The following TACC1 variants were observed in gnomAD, a reference collection of about 807,000 sequenced individuals.
TACC1 encodes the protein transforming acidic coiled-coil-containing protein 1.
TACC1 carries 48 observed loss-of-function variants against 84.4 expected under a neutral mutation model. That is an observed-to-expected ratio of 0.57 (90% CI 0.45 to 0.72). The LOEUF (loss-of-function observed/expected upper bound fraction) is 0.72. TACC1 is among the 30% of genes least tolerant of loss of function. TACC1 has a pLI of 0.00. For synonymous variants in TACC1, 372 were observed against 376.3 expected, an observed-to-expected ratio of 0.99 and a Z score of 0.13; for missense variants, 920 against 973.0, an observed-to-expected ratio of 0.95 and a Z score of 0.72.
intron 1 of TACC1, among the ~76,000 whole-genome samples, chr8:38,735,296 T>A (rs1343603621): frequency 6.6e-6 from 1 of 152,190 alleles, no homozygotes; most frequent in Non-Finnish European, 1.5e-5. Flanking sequence ...CTTCTATTTC[T>A]TGAAACCAAA....
chr8:38,781,691 T>C (rs1816028986), intron 3 of TACC1, among the ~76,000 whole-genome samples: 1 of 152,170 alleles, frequency 6.6e-6, no homozygotes. Context: ...AGGAATATTA[T>C]TCTACTTAAA....
At chr8:38,808,238 A>G (rs1281687018) in intron 2 of TACC1, among the ~76,000 whole-genome samples, 1 of 152,230 alleles carries the variant, frequency 6.6e-6, no homozygotes, top group Non-Finnish European at 1.5e-5. Context: ...ATGGAAAGGC[A>G]CATGAAGGTA....
Position 38,819,515 on chromosome 8 carries a change from A to G in TACC1, c.278-7A>G, listed in dbSNP as rs1007013292. 3 of 1,594,230 alleles carry G rather than the reference A, an allele frequency of 1.9e-6. No individual in the cohort carries two copies. The highest frequency in any genetic ancestry group is 1.1e-5 in the South Asian group (1 of 88,674). ...CTTTAATAGATGGTTTTTGTGTTTC[A>G]TTTTAGAATCACAAGAAGCTGATGA... On this transcript the variant is annotated splice_polypyrimidine_tract_variant and splice_region_variant and intron_variant, in intron 2 of 12. Coordinates refer to ENST00000317827, the MANE Select transcript of TACC1 (RefSeq NM_006283.3).
At chr8:38,745,951 T>C (rs955552692) in intron 3 of TACC1, among the ~76,000 whole-genome samples, 1 of 152,214 alleles carries the variant, frequency 6.6e-6, no homozygotes, top group African/African-American at 2.4e-5. Context: ...GCTCAAGCAA[T>C]CCTTTTGCCT....
chr8:38,825,197 T>A, intron 3 of TACC1, 111 bp from the exon 4 acceptor site: 1 of 1,075,688 alleles, frequency 9.3e-7, no homozygotes, highest in Non-Finnish European at 1.4e-6. Context: ...ATTTGTGTGG[T>A]GCTGTATGCT....
At chr8:38,781,384 C>CTT (rs34962713) in intron 3 of TACC1, among the ~76,000 whole-genome samples, 49 of 142,118 alleles carry the variant, frequency 3.4e-4, no homozygotes, top group African/African-American at 1.1e-3. Context: ...AAATATTCTT[C>CTT]TTTTTTTTTT....
chr8:38,831,754 C>G lies in TACC1; in HGVS notation c.1713+577C>G, dbSNP rs546942315. 4.6e-5 allele frequency among the ~76,000 whole-genome samples: 7 copies of G among 151,914 alleles called. No homozygotes were observed. In the South Asian group the frequency reaches 1.5e-3, roughly 32 times the overall value. On this transcript the variant is annotated intron_variant, in intron 6 of 12. Transcript: ENST00000317827. Reference sequence around the variant, plus strand: ...CAAGCAATCTGCCCACCTCCGCCTCCCAAAGTGCTGGGATTACAGGCATGA... The same window carrying G: ...CAAGCAATCTGCCCACCTCCGCCTCGCAAAGTGCTGGGATTACAGGCATGA...
At chr8:38,786,998 C>T (rs1177027227), upstream of TACC1, among the ~76,000 whole-genome samples, 2 of 151,896 alleles carry the variant, frequency 1.3e-5, no homozygotes, top group Admixed American at 6.6e-5. Context: ...CCCCGGACGC[C>T]GGCGGACCTG....
Position 38,787,367 on chromosome 8 carries a change from C to A in TACC1, c.-216C>A, listed in dbSNP as rs1164432402. ...CGGCGCGGGGCCCGCTGCGGCCGCA[C>A]CGTGAGGGGAGGAGGCCGAGGAGGA... On this transcript the variant is annotated 5_prime_UTR_variant, in exon 1 of 13. Transcript: ENST00000317827. The A allele has an allele frequency of 7.5e-7, 1 of 1,326,170 alleles. No individual in the cohort carries two copies. Among genetic ancestry groups the A allele is most frequent in the Non-Finnish European group, 9.6e-7 (1 of 1,043,684 alleles). The allele number at this position is 1,326,170 out of a possible 1,614,324, so 82.2% of individuals were successfully genotyped here.
intron 4 of TACC1, among the ~76,000 whole-genome samples, chr8:38,826,261 C>T (rs1367842401): frequency 6.6e-6 from 1 of 152,108 alleles, no homozygotes; most frequent in Non-Finnish European, 1.5e-5. Flanking sequence ...GTGTAACATT[C>T]TCCCTCAGAT....
intron 1 of TACC1, among the ~76,000 whole-genome samples, chr8:38,733,999 C>G (rs1805480162): frequency 6.6e-6 from 1 of 151,972 alleles, no homozygotes; most frequent in South Asian, 2.1e-4. Flanking sequence ...CATTCATGGC[C>G]CATCAGTCAT....
intron 2 of TACC1, among the ~76,000 whole-genome samples, chr8:38,792,641 A>T (rs1413146430): frequency 6.6e-6 from 1 of 151,956 alleles, no homozygotes; most frequent in Non-Finnish European, 1.5e-5. Context: ...AATTTTTTGT[A>T]TTTTTAGTAG....
intron 1 of TACC1, among the ~76,000 whole-genome samples, chr8:38,735,603 C>T (rs549050165): frequency 1.2e-4 from 18 of 152,188 alleles, no homozygotes; most frequent in Non-Finnish European, 2.4e-4. Context: ...TCAGCAACCA[C>T]CCCCTGCACT....
At chr8:38,733,286 T>C (rs528446909) in intron 1 of TACC1, among the ~76,000 whole-genome samples, 1 of 151,276 alleles carries the variant, frequency 6.6e-6, no homozygotes, top group African/African-American at 2.4e-5. Context: ...CCATCTCTCA[T>C]ATCCAGAATT....
chr8:38,831,787 C>T (rs1292421700), intron 6 of TACC1, among the ~76,000 whole-genome samples: 2 of 151,756 alleles, frequency 1.3e-5, no homozygotes, highest in South Asian at 2.1e-4. Flanking sequence ...TGAGCCCCTG[C>T]ACCTGGCTGG....
upstream of TACC1, among the ~76,000 whole-genome samples, chr8:38,783,096 ATCTATCTATC>A (rs1427440391): frequency 0.014 from 1,589 of 117,088 alleles, 9 homozygotes; most frequent in East Asian, 0.048. Flanking sequence ...CTATCTATCT[ATCTATCTATC>A]TATATATATA....
intron 1 of TACC1, among the ~76,000 whole-genome samples, chr8:38,732,358 G>T (rs1308275614): frequency 4.6e-5 from 7 of 151,228 alleles, no homozygotes. Flanking sequence ...TTTTTGGAAG[G>T]ATGACTTTAG....
intron 6 of TACC1, 47 bp downstream of exon 6, chr8:38,831,224 G>A: frequency 1.2e-6 from 2 of 1,600,824 alleles, no homozygotes; most frequent in Non-Finnish European, 1.7e-6. Context: ...GTTTCTTTCA[G>A]TATTTGTTTT....
intron 5 of TACC1, among the ~76,000 whole-genome samples, chr8:38,829,999 G>T (rs1031451374): frequency 3.9e-5 from 6 of 152,304 alleles, no homozygotes; most frequent in Middle Eastern, 6.8e-3. Context: ...AAGCTGCCAC[G>T]TTGGTAAAAG....
Sources: allele counts gnomAD v4.1 joint callset (sites outside exome capture counted in the v4.1 genomes callset), GRCh38; gene constraint gnomAD v4.1.1; transcripts MANE v1.5; gene names NCBI Gene and HGNC (gene_info 2026-07-23, HGNC 2026-07-21).